The following HOXD8 variants were observed in gnomAD, a reference collection of about 807,000 sequenced individuals.
The protein encoded by HOXD8 is homeobox D8.
A neutral mutation model predicts 25.4 loss-of-function variants in HOXD8; 17 were observed. The observed-to-expected ratio is 0.67, with a 90% CI of 0.46 to 1.00. The LOEUF is 1.00. Among genes scored for constraint, HOXD8 ranks in the 50% least tolerant of loss-of-function variants. The probability of loss-of-function intolerance (pLI) is 0.00; values close to 1 mark genes in which losing one functional copy is unlikely to be tolerated. For missense variants in HOXD8, 511 were observed against 398.5 expected (o/e 1.28, Z -2.40); for synonymous variants, 203 against 175.3 (o/e 1.16, Z -1.25).
At position 176,132,386 on chromosome 2, in the gene HOXD8, C is replaced by CT. The variant is rs1318420870; in HGVS notation, c.*777dup. The CT allele has an allele frequency of 5.9e-5, 9 of 152,186 alleles. No homozygotes were observed. The South Asian group carries it at 1.7e-3, about 28-fold the overall frequency. 9.4% of individuals were successfully genotyped at this position (152,186 alleles called of 1,614,324 possible). The stretch of plus-strand genomic sequence containing the variant: ...AAAATGCGTCTCATTTTTTAACTTG[C>CT]TTTCGTTTTGAACCGCCCTTGTAAT... On this transcript the variant is annotated 3_prime_UTR_variant, in exon 2 of 2. Transcript: ENST00000313173.
Position 176,129,793 on chromosome 2 carries a change from G to T in HOXD8, c.-574G>T. 1 of 235,590 alleles carries T rather than the reference G, an allele frequency of 4.2e-6. No homozygotes were observed. The allele number at this position is 235,590 out of a possible 1,614,324, so 14.6% of individuals were successfully genotyped here. A position where few individuals can be genotyped will look rare whatever the true frequency, so the allele number is the denominator to read the frequency against. On this transcript the variant is annotated 5_prime_UTR_variant, in exon 1 of 2. Coordinates refer to ENST00000313173, the MANE Select transcript of HOXD8 (RefSeq NM_019558.4). Reference sequence around the variant, plus strand: ...CTCGCCGGTGCGCACCGGGTCGGCAGCCTCGGCGGCGGGGGCGAGATTGGC... The same window carrying T: ...CTCGCCGGTGCGCACCGGGTCGGCATCCTCGGCGGCGGGGGCGAGATTGGC...
rs913804766 is a variant in HOXD8 at position 176,129,755 on chromosome 2, G to A, written c.-612G>A. The A allele has an allele frequency of 1.7e-4, 45 of 272,636 alleles. No homozygotes were observed. Among genetic ancestry groups the A allele is most frequent in the Non-Finnish European group, 2.1e-4 (28 of 130,266 alleles). 16.9% of individuals were successfully genotyped at this position (272,636 alleles called of 1,614,324 possible). On this transcript the variant is annotated 5_prime_UTR_variant, in exon 1 of 2. Coordinates refer to ENST00000313173, the MANE Select transcript of HOXD8 (RefSeq NM_019558.4). ...ACGCTGACTTTCCGTGCAGTGCTGT[G>A]GTGCGAAAATGCCTCGCCGGTGCGC...
Position 176,131,411 on chromosome 2 carries a change from G to A in HOXD8, c.672G>A (p.Arg224=), listed in dbSNP as rs759235451. The A allele has an allele frequency of 9.3e-6, 15 of 1,613,792 alleles. No individual in the cohort carries two copies. The South Asian group carries it at 1.4e-4, about 15-fold the overall frequency. The change falls in exon 2 of 2, where the codon AGG becomes AGA. Residue 224 remains arginine (R), a synonymous_variant. Transcript: ENST00000313173. ...TTCTTTTTAACCCCTATCTGACCAG[G>A]AAAAGAAGAATCGAGGTTTCCCACG... is the stretch of plus-strand genomic sequence containing the variant. ...KEFLFNPYLT[R]KRRIEVSHAL... is the part of the protein sequence containing the mutation.
chr2:176,130,957 T>A lies in HOXD8; in HGVS notation c.577+14T>A. On this transcript the variant is annotated intron_variant, in intron 1 of 1. Coordinates refer to ENST00000313173, the MANE Select transcript of HOXD8 (RefSeq NM_019558.4). ...TGAGACCACAAGGTTGGGATGCATT[T>A]TTTTTTTAAGAAGGGAGAGGGGGAG... 1 of 1,508,234 alleles carries A rather than the reference T, an allele frequency of 6.6e-7. No homozygotes were observed. 93.4% of individuals were successfully genotyped at this position (1,508,234 alleles called of 1,614,324 possible).
At position 176,131,651 on chromosome 2, in the gene HOXD8, A is replaced by G. The variant is rs769724136; in HGVS notation, c.*39A>G. ...AATTTACCACAGACTATTAAAACTA[A>G]TAATCACCATATGCTGTGGACACCA... On this transcript the variant is annotated 3_prime_UTR_variant, in exon 2 of 2. Coordinates refer to ENST00000313173, the MANE Select transcript of HOXD8 (RefSeq NM_019558.4). The G allele has an allele frequency of 2.7e-5, 29 of 1,068,406 alleles. No homozygotes were observed. Among genetic ancestry groups the G allele is most frequent in the Non-Finnish European group, 9.7e-6 (7 of 723,846 alleles). The allele number at this position is 1,068,406 out of a possible 1,614,324, so 66.2% of individuals were successfully genotyped here.
Position 176,131,327 on chromosome 2 carries a change from TAGACGA to T in HOXD8, c.592_597del (p.Arg198_Arg199del). On this transcript the variant is annotated inframe_deletion, in exon 2 of 2. Coordinates refer to ENST00000313173, the MANE Select transcript of HOXD8 (RefSeq NM_019558.4). Reference sequence around the variant, plus strand: ...TTTTGTTTTAATCAGCAGCTCCTGGTAGACGAAGAGGAAGACAAACCTACAGTCGCT... The same window carrying T: ...TTTTGTTTTAATCAGCAGCTCCTGGTAGAGGAAGACAAACCTACAGTCGCT... The T allele has an allele frequency of 6.5e-7, 1 of 1,545,352 alleles. No homozygotes were observed. Among genetic ancestry groups the T allele is most frequent in the Non-Finnish European group, 8.7e-7 (1 of 1,149,086 alleles).
In HOXD8 at chr2:176,130,534, C is replaced by T. The variant is rs7580746; in HGVS notation, c.168C>T (p.Asn56=). ...CAGCAGCCCTGCAGCTCTATGGCAACAGCGCCGCCGGCTTCCCGCACGCGC... is the reference window on the plus strand; with the variant it reads ...CAGCAGCCCTGCAGCTCTATGGCAATAGCGCCGCCGGCTTCCCGCACGCGC... The part of the protein sequence containing the change: ...AAAAALQLYG[N]SAAGFPHAPP... The change falls in exon 1 of 2, where the codon AAC becomes AAT. Residue 56 remains asparagine (N), a synonymous_variant. Coordinates refer to ENST00000313173, the MANE Select transcript of HOXD8 (RefSeq NM_019558.4). 0.059 allele frequency: 87,180 copies of T among 1,477,116 alleles called. 7,145 individuals carry two copies. Among genetic ancestry groups the T allele is most frequent in the African/African-American group, 0.39 (26,189 of 67,684 alleles). The allele number at this position is 1,477,116 out of a possible 1,614,324, so 91.5% of individuals were successfully genotyped here.
chr2:176,130,662 G>T lies in HOXD8; in HGVS notation c.296G>T (p.Gly99Val), dbSNP rs372539818. ...CAGGAGTACTTCCACCCCGGCGGGG[G>T]CAGCCCGGCCGCTGCCTACCAGGCC... Reference protein sequence around the residue: ...RGQEYFHPGGGSPAAAYQAAP... With the variant: ...RGQEYFHPGGVSPAAAYQAAP... The change falls in exon 1 of 2, where the codon GGC (glycine) becomes GTC (valine). Residue 99 changes from glycine to valine, a missense_variant. Transcript: ENST00000313173. 527 of 1,554,054 alleles carry T rather than the reference G, an allele frequency of 3.4e-4. 1 individual carries two copies. The highest frequency in any genetic ancestry group is 4.2e-4 in the Non-Finnish European group (490 of 1,153,558).
chr2:176,131,763 G>T lies in HOXD8; in HGVS notation c.*151G>T, dbSNP rs1690120843. 1 of 595,558 alleles carries T rather than the reference G, an allele frequency of 1.7e-6. No individual in the cohort carries two copies. Among genetic ancestry groups the T allele is most frequent in the Non-Finnish European group, 3.0e-6 (1 of 338,170 alleles). The allele number at this position is 595,558 out of a possible 1,614,324, so 36.9% of individuals were successfully genotyped here. A position where few individuals can be genotyped will look rare whatever the true frequency, so the allele number is the denominator to read the frequency against. ...TTGAGGTTTTCTGTGCTTTGAGAGG[G>T]ATTTGGGTGTTTAAAAAAGTTTCTA... On this transcript the variant is annotated 3_prime_UTR_variant, in exon 2 of 2. Coordinates refer to ENST00000313173, the MANE Select transcript of HOXD8 (RefSeq NM_019558.4).
Position 176,131,781 on chromosome 2 carries a change from A to C in HOXD8, c.*169A>C, listed in dbSNP as rs903818466. ...TGAGAGGGATTTGGGTGTTTAAAAA[A>C]GTTTCTAGTATCACATAGAAGCTGT... On this transcript the variant is annotated 3_prime_UTR_variant, in exon 2 of 2. Coordinates refer to ENST00000313173, the MANE Select transcript of HOXD8 (RefSeq NM_019558.4). The C allele has an allele frequency of 3.8e-5, 22 of 579,500 alleles. No individual in the cohort carries two copies. In the East Asian group the frequency reaches 5.7e-4, roughly 15 times the overall value. The allele number at this position is 579,500 out of a possible 1,614,324, so 35.9% of individuals were successfully genotyped here.
rs564911040 is a variant in HOXD8, at chr2:176,130,550, CCGCACGCGCCCCCGCAGG to C, written c.194_211del (p.Pro65_Ala70del). The C allele has an allele frequency of 1.3e-3, 1,946 of 1,469,982 alleles. 25 individuals carry two copies. The African/African-American group carries it at 0.025, about 19-fold the overall frequency. The allele number at this position is 1,469,982 out of a possible 1,614,324, so 91.1% of individuals were successfully genotyped here. A position where few individuals can be genotyped will look rare whatever the true frequency, so the allele number is the denominator to read the frequency against. ...CTATGGCAACAGCGCCGCCGGCTTC[CCGCACGCGCCCCCGCAGG>C]CGCACGCGCACCCGCACCCGTCCCC... is the stretch of plus-strand genomic sequence containing the variant. On this transcript the variant is annotated inframe_deletion, in exon 1 of 2. Coordinates refer to ENST00000313173, the MANE Select transcript of HOXD8 (RefSeq NM_019558.4).
intron 1 of HOXD8, 74 bp from the exon 2 acceptor site, chr2:176,131,241 CCT>C: frequency 7.1e-7 from 1 of 1,418,380 alleles, no homozygotes; most frequent in Non-Finnish European, 9.6e-7. Context: ...GTTCCACAAA[CCT>C]CCAGCAACAT....
At position 176,131,372 on chromosome 2, in the gene HOXD8, G is replaced by A. The variant is rs1690109759; in HGVS notation, c.633G>A (p.Glu211=). Residue 211 remains glutamate (E), a synonymous_variant, in exon 2 of 2, where the codon GAG becomes GAA. Transcript: ENST00000313173. ...CCTACAGTCGCTTCCAAACTCTAGA[G>A]TTGGAAAAGGAATTTCTTTTTAACC... ...RQTYSRFQTL[E]LEKEFLFNPY... 6.2e-7 allele frequency: 1 copy of A among 1,610,066 alleles called. No individual in the cohort carries two copies. Among genetic ancestry groups the A allele is most frequent in the Non-Finnish European group, 8.5e-7 (1 of 1,178,388 alleles).
Position 176,131,649 on chromosome 2 carries a change from TA to T in HOXD8, c.*39del, listed in dbSNP as rs1461767995. The T allele has an allele frequency of 8.9e-7, 1 of 1,125,980 alleles. No individual in the cohort carries two copies. Among genetic ancestry groups the T allele is most frequent in the Non-Finnish European group, 1.3e-6 (1 of 773,208 alleles). 69.7% of individuals were successfully genotyped at this position (1,125,980 alleles called of 1,614,324 possible). A position where few individuals can be genotyped will look rare whatever the true frequency, so the allele number is the denominator to read the frequency against. On this transcript the variant is annotated 3_prime_UTR_variant, in exon 2 of 2. Transcript: ENST00000313173. ...AAAATTTACCACAGACTATTAAAAC[TA>T]ATAATCACCATATGCTGTGGACACC...
chr2:176,130,740 G>A lies in HOXD8; in HGVS notation c.374G>A (p.Gly125Asp), dbSNP rs1282570163. The change falls in exon 1 of 2, where the codon GGC becomes GAC. Residue 125 changes from glycine to aspartate, a missense_variant. Physicochemically the swap from Gly to Asp is moderately conservative, Grantham distance 94. Transcript: ENST00000313173. ...CCTCCGCCGCCACCTCCCCCCTGCG[G>A]CGGGATTGCCTGTCACGGGGAGCCC... Reference protein sequence around the residue: ...PPPPPPPPPCGGIACHGEPAK... With the variant: ...PPPPPPPPPCDGIACHGEPAK... The A allele has an allele frequency of 6.2e-7, 1 of 1,609,660 alleles. No homozygotes were observed. Among genetic ancestry groups the A allele is most frequent in the Non-Finnish European group, 8.5e-7 (1 of 1,177,776 alleles).
chr2:176,131,800 AAGCTGTCCTTG>A lies in HOXD8; in HGVS notation c.*198_*208del, dbSNP rs1690121686. 1.8e-6 allele frequency: 1 copy of A among 563,934 alleles called. No individual in the cohort carries two copies. The highest frequency in any genetic ancestry group is 3.1e-6 in the Non-Finnish European group (1 of 320,956). 34.9% of individuals were successfully genotyped at this position (563,934 alleles called of 1,614,324 possible). On this transcript the variant is annotated 3_prime_UTR_variant, in exon 2 of 2. Transcript: ENST00000313173. ...TAAAAAAGTTTCTAGTATCACATAG[AAGCTGTCCTTG>A]AGCTGTCCTATGGAAGGGTAATTTG... is the stretch of plus-strand genomic sequence containing the variant.
chr2:176,130,274 A>T lies in HOXD8; in HGVS notation c.-93A>T. ...TCCCGGCGGCGAGAGCAGCCGCCCC[A>T]CAGGCCCCCGCGGCAGTGCGGCCGA... is the stretch of plus-strand genomic sequence containing the variant. On this transcript the variant is annotated 5_prime_UTR_variant, in exon 1 of 2. Coordinates refer to ENST00000313173, the MANE Select transcript of HOXD8 (RefSeq NM_019558.4). The T allele has an allele frequency of 1.3e-6, 1 of 750,288 alleles. No individual in the cohort carries two copies. The highest frequency in any genetic ancestry group is 1.8e-6 in the Non-Finnish European group (1 of 550,928). 46.5% of individuals were successfully genotyped at this position (750,288 alleles called of 1,614,324 possible).
In HOXD8 at chr2:176,130,693, C is replaced by G. The variant is rs369342903; in HGVS notation, c.327C>G (p.Pro109=). The change falls in exon 1 of 2, where the codon CCC becomes CCG. Residue 109 remains proline (P), a synonymous_variant. Coordinates refer to ENST00000313173, the MANE Select transcript of HOXD8 (RefSeq NM_019558.4). ...GSPAAAYQAA[P]PPPPHPPPPP... is the part of the protein sequence containing the mutation. The stretch of plus-strand genomic sequence containing the variant: ...CGGCCGCTGCCTACCAGGCCGCCCC[C>G]CCTCCTCCTCCGCATCCTCCGCCTC... The G allele has an allele frequency of 7.6e-6, 12 of 1,588,766 alleles. No homozygotes were observed. The African/African-American group carries it at 1.1e-4, about 14-fold the overall frequency.
At position 176,131,408 on chromosome 2, in the gene HOXD8, C is replaced by G. The variant is rs774176489; in HGVS notation, c.669C>G (p.Thr223=). Residue 223 remains threonine, a synonymous_variant, in exon 2 of 2, where the codon ACC becomes ACG. Transcript: ENST00000313173. Reference sequence around the variant, plus strand: ...AATTTCTTTTTAACCCCTATCTGACCAGGAAAAGAAGAATCGAGGTTTCCC... The same window carrying G: ...AATTTCTTTTTAACCCCTATCTGACGAGGAAAAGAAGAATCGAGGTTTCCC... ...EKEFLFNPYL[T]RKRRIEVSHA... is the part of the protein sequence containing the mutation. 4 of 1,613,538 alleles carry G rather than the reference C, an allele frequency of 2.5e-6. No homozygotes were observed. The highest frequency in any genetic ancestry group is 3.4e-6 in the Non-Finnish European group (4 of 1,179,916).
Sources: gnomAD v4.1 joint callset for allele counts on GRCh38, gnomAD v4.1.1 for gene constraint, MANE v1.5 for transcripts, NCBI Gene and HGNC (gene_info 2026-07-23, HGNC 2026-07-21) for gene names.